VRK2: variants seen among roughly 807,000 people sequenced by gnomAD.
VRK2 encodes VRK serine/threonine kinase 2.
A neutral mutation model predicts 57.6 loss-of-function variants in VRK2; 60 were observed. That is an observed-to-expected ratio of 1.04 (90% confidence interval 0.85 to 1.29). The LOEUF is 1.29. Ranked by LOEUF, VRK2 falls within the 50% of genes most tolerant of loss-of-function variation. The pLI, the probability that VRK2 is intolerant of heterozygous loss-of-function variation, is 0.00. For synonymous variants in VRK2, 231 were observed against 199.2 expected, an observed-to-expected ratio of 1.16 and a Z score of -1.35; for missense variants, 705 against 588.1, an observed-to-expected ratio of 1.20 and a Z score of -2.06.
At chr2:58,032,923 G>A (rs1001967246) in intron 2 of VRK2, among the ~76,000 whole-genome samples, 2 of 152,080 alleles carry the variant, frequency 1.3e-5, no homozygotes, top group Non-Finnish European at 2.9e-5. Context: ...TCTGCTTCAC[G>A]TAATTTGTTG....
intron 1 of VRK2, among the ~76,000 whole-genome samples, chr2:57,934,667 T>C (rs1315018266): frequency 6.6e-6 from 1 of 152,222 alleles, no homozygotes; most frequent in Non-Finnish European, 1.5e-5. Context: ...TTTCTGCTTC[T>C]TTCTTTCTCT....
At chr2:58,105,794 G>A (rs942841434) in intron 7 of VRK2, among the ~76,000 whole-genome samples, 1 of 151,766 alleles carries the variant, frequency 6.6e-6, no homozygotes, top group African/African-American at 2.4e-5. Context: ...TATTGCTAGC[G>A]ACCTCAAATA....
chr2:58,146,258 T>G, intron 11 of VRK2, 58 bp from the exon 12 acceptor site: 1 of 1,445,606 alleles, frequency 6.9e-7, no homozygotes, highest in Non-Finnish European at 9.2e-7. Context: ...ATATATGCAT[T>G]TTTTAGAGAA....
At chr2:58,094,569 G>T (rs764874433) in intron 7 of VRK2, among the ~76,000 whole-genome samples, 1 of 152,112 alleles carries the variant, frequency 6.6e-6, no homozygotes, top group Non-Finnish European at 1.5e-5. Flanking sequence ...GGGCTGAGAC[G>T]ATGGGGTTTT....
chr2:58,056,046 A>G (rs763820525), intron 2 of VRK2, among the ~76,000 whole-genome samples: 5 of 152,088 alleles, frequency 3.3e-5, no homozygotes, highest in South Asian at 2.1e-4. Context: ...TCTAAACATC[A>G]TATTTCCTTC....
At chr2:58,157,516 G>C (rs1401027246) in intron 12 of VRK2, among the ~76,000 whole-genome samples, 1 of 152,148 alleles carries the variant, frequency 6.6e-6, no homozygotes, top group African/African-American at 2.4e-5. Flanking sequence ...GATCAACCCA[G>C]GCTGAGAACC....
intron 2 of VRK2, among the ~76,000 whole-genome samples, chr2:58,078,538 T>C (rs1317526319): frequency 6.6e-6 from 1 of 152,102 alleles, no homozygotes; most frequent in East Asian, 1.9e-4. Context: ...CTAGATCATA[T>C]GGTAATTTTA....
chr2:57,956,658 T>C (rs1437256230), intron 1 of VRK2, among the ~76,000 whole-genome samples: 5 of 152,204 alleles, frequency 3.3e-5, no homozygotes, highest in South Asian at 2.1e-4. Context: ...TTAGTTCCAA[T>C]TACAGGCATG....
chr2:58,134,714 T>TC (rs1391915757), intron 9 of VRK2, among the ~76,000 whole-genome samples: 1 of 152,068 alleles, frequency 6.6e-6, no homozygotes, highest in East Asian at 1.9e-4. Flanking sequence ...CCAGTCACAT[T>TC]CCTACACAGC....
intron 2 of VRK2, among the ~76,000 whole-genome samples, chr2:58,061,757 AAGC>A (rs1677376613): frequency 6.6e-6 from 1 of 152,044 alleles, no homozygotes; most frequent in Admixed American, 6.6e-5. Flanking sequence ...CTTGAAGAGA[AAGC>A]AGACCTTCAA....
intron 5 of VRK2, 93 bp downstream of exon 5, chr2:58,086,519 C>T (rs1671646360): frequency 1.9e-6 from 2 of 1,063,884 alleles, no homozygotes; most frequent in Admixed American, 5.4e-5. Flanking sequence ...ATTACCAAAA[C>T]ATATTGGCAT....
At chr2:57,937,480 G>A (rs534171676) in intron 1 of VRK2, among the ~76,000 whole-genome samples, 2 of 152,244 alleles carry the variant, frequency 1.3e-5, no homozygotes, top group African/African-American at 4.8e-5. Flanking sequence ...AAAGAATTAC[G>A]ATTCTTGTTG....
At chr2:58,144,036 C>T (rs1050825875) in intron 11 of VRK2, among the ~76,000 whole-genome samples, 5 of 149,902 alleles carry the variant, frequency 3.3e-5, no homozygotes, top group South Asian at 2.1e-4. Flanking sequence ...TACATATATA[C>T]ACACACACAC....
upstream of VRK2, among the ~76,000 whole-genome samples, chr2:58,045,536 G>C (rs1055727116): frequency 7.2e-5 from 11 of 152,200 alleles, no homozygotes; most frequent in African/African-American, 2.7e-4. Context: ...AAGAAAATAA[G>C]AAAGGACACT....
intron 1 of VRK2, among the ~76,000 whole-genome samples, chr2:57,931,478 C>A (rs1438994929): frequency 6.6e-6 from 1 of 152,020 alleles, no homozygotes; most frequent in Admixed American, 6.6e-5. Context: ...TGATTTTTTG[C>A]TACTGAGTTG....
At chr2:58,004,282 A>G (rs1415274476) in intron 1 of VRK2, among the ~76,000 whole-genome samples, 2 of 152,162 alleles carry the variant, frequency 1.3e-5, no homozygotes, top group East Asian at 3.8e-4. Context: ...TTGAAGCCAT[A>G]GAGGTACTAA....
chr2:58,082,603 C>T (rs1221013061), intron 2 of VRK2, among the ~76,000 whole-genome samples: 1 of 150,730 alleles, frequency 6.6e-6, no homozygotes, highest in Non-Finnish European at 1.5e-5. Flanking sequence ...TGGACTCTGT[C>T]CCCTGTGTAT....
intron 7 of VRK2, among the ~76,000 whole-genome samples, chr2:58,111,509 T>A (rs1464479088): frequency 6.6e-6 from 1 of 152,158 alleles, no homozygotes; most frequent in Non-Finnish European, 1.5e-5. Context: ...CCCACCATTT[T>A]GGGAAGCTGA....
rs1469906565 is a variant in VRK2, at chr2:58,074,183, A to T, written c.137-9906A>T. On this transcript the variant is annotated intron_variant, in intron 2 of 12. Coordinates refer to ENST00000340157, the MANE Select transcript of VRK2 (RefSeq NM_006296.7). Reference sequence around the variant, plus strand: ...ACTTTTAATTTATCTGCGTTTTTATATTTAAAGTGGGTTTCCTATAGACAT... The same window carrying T: ...ACTTTTAATTTATCTGCGTTTTTATTTTTAAAGTGGGTTTCCTATAGACAT... Among the ~76,000 whole-genome samples the T allele has an allele frequency of 1.3e-5, 2 of 151,948 alleles. 1 individual carries two copies. Among genetic ancestry groups the T allele is most frequent in the East Asian group, 3.9e-4 (2 of 5,184 alleles).
Sources: allele counts gnomAD v4.1 joint callset (sites outside exome capture counted in the v4.1 genomes callset), GRCh38; gene constraint gnomAD v4.1.1; transcripts MANE v1.5; gene names NCBI Gene and HGNC (gene_info 2026-07-23, HGNC 2026-07-21).